SYN3: variants seen among roughly 807,000 people sequenced by gnomAD.
The protein encoded by SYN3 is synapsin III, also known as synapsin-3.
A neutral mutation model predicts 65.8 loss-of-function variants in SYN3; 35 were observed. That is an observed-to-expected ratio of 0.53 (90% confidence interval 0.41 to 0.70). The LOEUF (loss-of-function observed/expected upper bound fraction) is 0.70, where lower values mean the gene tolerates loss of function less well. Ranked by LOEUF, SYN3 falls within the 30% of genes least tolerant of loss-of-function variation. SYN3 has a pLI of 0.00. For missense variants in SYN3, 680 were observed against 749.0 expected (o/e 0.91, Z 1.08); for synonymous variants, 270 against 292.9 (o/e 0.92, Z 0.80).
chr22:32,564,568 G>T (rs1662721392), intron 7 of SYN3, among the ~76,000 whole-genome samples: 1 of 152,042 alleles, frequency 6.6e-6, no homozygotes, highest in African/African-American at 2.4e-5. Context: ...TACACAAACA[G>T]TGTCCCAGAC....
intron 12 of SYN3, among the ~76,000 whole-genome samples, chr22:32,520,496 G>A (rs1421303161): frequency 2.6e-5 from 4 of 152,090 alleles, no homozygotes; most frequent in African/African-American, 7.2e-5. Flanking sequence ...ATGTCACTAC[G>A]AATAAGGGGA....
intron 6 of SYN3, among the ~76,000 whole-genome samples, chr22:32,757,808 C>T (rs1602072064): frequency 6.6e-6 from 1 of 152,182 alleles, no homozygotes; most frequent in African/African-American, 2.4e-5. Flanking sequence ...ACAGCCCAAT[C>T]CAGGCAGGAC....
chr22:32,897,988 GT>G (rs2049644210), intron 4 of SYN3, among the ~76,000 whole-genome samples: 1 of 151,620 alleles, frequency 6.6e-6, no homozygotes, highest in African/African-American at 2.4e-5. Context: ...CTCAGCTATT[GT>G]TTTTTGTTTG....
chr22:32,562,538 A>G (rs1449941138), intron 7 of SYN3, among the ~76,000 whole-genome samples: 1 of 152,150 alleles, frequency 6.6e-6, no homozygotes, highest in Non-Finnish European at 1.5e-5. Flanking sequence ...TCTCTGCCTA[A>G]TACTCCCCAC....
chr22:32,519,614 C>G (rs2057842405), intron 12 of SYN3: 1 of 152,182 alleles, frequency 6.6e-6, no homozygotes, highest in Non-Finnish European at 1.5e-5. Context: ...AGCCAAGAGG[C>G]ATCTAAGCTT....
intron 6 of SYN3, among the ~76,000 whole-genome samples, chr22:32,618,590 G>A (rs1164844638): frequency 2.0e-5 from 3 of 152,202 alleles, no homozygotes; most frequent in African/African-American, 7.2e-5. Context: ...CTGAAAATGT[G>A]TGGCGTGCCA....
At chr22:32,642,135 C>CA (rs2059910127) in intron 6 of SYN3, among the ~76,000 whole-genome samples, 1 of 151,620 alleles carries the variant, frequency 6.6e-6, no homozygotes, top group East Asian at 2.0e-4. Context: ...ACTAAAAATA[C>CA]AAAAATTAGC....
Position 32,626,983 on chromosome 22 carries a change from G to C in SYN3, c.712-30247C>G, listed in dbSNP as rs145353356. On this transcript the variant is annotated intron_variant, in intron 6 of 13. Transcript: ENST00000358763. Reference sequence around the variant, plus strand: ...AAGGTGTTGTCTCCCTGCACCCCCAGCTTTGGAGGAAGCCCCCAGATGATG... The same window carrying C: ...AAGGTGTTGTCTCCCTGCACCCCCACCTTTGGAGGAAGCCCCCAGATGATG... 3.2e-3 allele frequency among the ~76,000 whole-genome samples: 495 copies of C among 152,320 alleles called. 3 individuals carry two copies. The highest frequency in any genetic ancestry group is 0.011 in the African/African-American group (459 of 41,568).
chr22:32,937,346 A>G (rs550772005), intron 3 of SYN3, among the ~76,000 whole-genome samples: 2 of 152,326 alleles, frequency 1.3e-5, no homozygotes, highest in South Asian at 4.1e-4. Flanking sequence ...AGGCTTAACA[A>G]CAGATTAGAC....
intron 2 of SYN3, among the ~76,000 whole-genome samples, chr22:33,005,451 T>C (rs908180807): frequency 1.6e-4 from 25 of 152,254 alleles, no homozygotes; most frequent in Middle Eastern, 3.2e-3. Context: ...GATAGACTTA[T>C]TCTCCAAATG....
intron 6 of SYN3, among the ~76,000 whole-genome samples, chr22:32,741,464 T>C (rs1218537328): frequency 1.3e-5 from 2 of 149,124 alleles, no homozygotes; most frequent in Non-Finnish European, 3.0e-5. Context: ...CACACCATTC[T>C]CCTGCCTCAG....
At position 32,620,742 on chromosome 22, in the gene SYN3, C is replaced by T. The variant is rs146227083; in HGVS notation, c.712-24006G>A. Among the ~76,000 whole-genome samples, 422 of 150,598 alleles carry T rather than the reference C, an allele frequency of 2.8e-3. 10 individuals are homozygous for T. In the East Asian group the frequency reaches 0.067, roughly 24 times the overall value. ...CAAATCACTCTTTTTTTTTTTTAAA[C>T]GGAATCTCACTCTGTTGCCCAGGAT... On this transcript the variant is annotated intron_variant, in intron 6 of 13. Transcript: ENST00000358763.
intron 6 of SYN3, among the ~76,000 whole-genome samples, chr22:32,676,656 C>T (rs1339791122): frequency 4.6e-5 from 7 of 150,538 alleles, no homozygotes; most frequent in East Asian, 1.9e-4. Context: ...CCTGCCTTAG[C>T]CCCCCGAGTA....
At chr22:32,929,657 G>A (rs1183604125) in intron 4 of SYN3, among the ~76,000 whole-genome samples, 1 of 152,150 alleles carries the variant, frequency 6.6e-6, no homozygotes, top group Non-Finnish European at 1.5e-5. Context: ...AATTCAAGCT[G>A]CAAGTACTTG....
At chr22:32,523,371 G>C (rs1300047396) in intron 12 of SYN3, among the ~76,000 whole-genome samples, 1 of 152,118 alleles carries the variant, frequency 6.6e-6, no homozygotes, top group East Asian at 1.9e-4. Context: ...AAATTAGCTG[G>C]GTGTGGTGGC....
At chr22:32,523,471 C>T (rs2057923463) in intron 12 of SYN3, among the ~76,000 whole-genome samples, 1 of 152,170 alleles carries the variant, frequency 6.6e-6, no homozygotes, top group Non-Finnish European at 1.5e-5. Context: ...TGAGATTGTG[C>T]AACTGTACTC....
At position 33,028,688 on chromosome 22, in the gene SYN3, GTGA is replaced by G. The variant is rs1285719011; in HGVS notation, c.-162-21867_-162-21865del. Among the ~76,000 whole-genome samples, 488 of 90,798 alleles carry G rather than the reference GTGA, an allele frequency of 5.4e-3. 7 individuals are homozygous for G. The highest frequency in any genetic ancestry group is 0.015 in the South Asian group (54 of 3,666). 59.6% of individuals were successfully genotyped at this position (90,798 alleles called of 152,430 possible). A position where few individuals can be genotyped will look rare whatever the true frequency, so the allele number is the denominator to read the frequency against. On this transcript the variant is annotated intron_variant, in intron 1 of 13. Transcript: ENST00000358763. ...GGTGGTGGTGGTGGTGGTGGTGGTG[GTGA>G]TGGTGGTGGTGGTGGTGGTGGTGGG... is the stretch of plus-strand genomic sequence containing the variant.
chr22:32,597,543 C>A (rs1212157805), intron 6 of SYN3, among the ~76,000 whole-genome samples: 1 of 152,082 alleles, frequency 6.6e-6, no homozygotes, highest in African/African-American at 2.4e-5. Context: ...ACACTTCAAC[C>A]ACCTGAAAAC....
chr22:32,549,663 C>T (rs1487663572), intron 7 of SYN3, among the ~76,000 whole-genome samples: 2 of 152,176 alleles, frequency 1.3e-5, no homozygotes, highest in Non-Finnish European at 2.9e-5. Context: ...TTTTGAGAGG[C>T]CAAAGTGGGT....
Sources: allele counts gnomAD v4.1 joint callset (sites outside exome capture counted in the v4.1 genomes callset), GRCh38; gene constraint gnomAD v4.1.1; transcripts MANE v1.5; gene names NCBI Gene and HGNC (gene_info 2026-07-23, HGNC 2026-07-21).